Variants in SLC18A1 observed in about 807,000 individuals in gnomAD.
SLC18A1 encodes the protein chromaffin granule amine transporter.
A neutral mutation model predicts 53.7 loss-of-function variants in SLC18A1; 69 were observed. That is an observed-to-expected ratio of 1.28 (90% CI 1.06 to 1.57). The LOEUF (loss-of-function observed/expected upper bound fraction) is 1.57, where lower values mean the gene tolerates loss of function less well. Ranked by LOEUF, SLC18A1 falls within the 40% of genes most tolerant of loss-of-function variation. The probability of loss-of-function intolerance (pLI) is 0.00; values close to 1 mark genes in which losing one functional copy is unlikely to be tolerated. For synonymous variants in SLC18A1, 320 were observed against 248.1 expected, an observed-to-expected ratio of 1.29 and a Z score of -2.72; for missense variants, 932 against 668.1, an observed-to-expected ratio of 1.40 and a Z score of -4.35.
rs1278579810 is a variant in SLC18A1 at position 20,174,450 on chromosome 8, C to T, written c.548-6G>A. 1.2e-6 allele frequency: 2 copies of T among 1,609,774 alleles called. No homozygotes were observed. The highest frequency in any genetic ancestry group is 1.7e-6 in the Non-Finnish European group (2 of 1,176,286). On this transcript the variant is annotated splice_polypyrimidine_tract_variant and splice_region_variant and intron_variant, in intron 4 of 15. Coordinates refer to ENST00000276373, the MANE Select transcript of SLC18A1 (RefSeq NM_003053.4). ...GGTCCCAGAAAAAGCAAACACTGGG[C>T]AGAGAGAATAGCAAGATAACTGCAG...
chr8:20,154,845 G>A (rs1015532780), intron 10 of SLC18A1, among the ~76,000 whole-genome samples: 5 of 152,102 alleles, frequency 3.3e-5, no homozygotes, highest in African/African-American at 1.2e-4. Context: ...CGTCCACCAC[G>A]GCTGAGCGCT....
intron 8 of SLC18A1, among the ~76,000 whole-genome samples, 184 bp from the exon 9 acceptor site, chr8:20,165,291 G>T (rs1408228030): frequency 1.3e-5 from 2 of 152,140 alleles, no homozygotes; most frequent in African/African-American, 4.8e-5. Context: ...GAGGAAGCTG[G>T]AGGCAGGACC....
chr8:20,176,755 T>C (rs1167276327), intron 4 of SLC18A1, among the ~76,000 whole-genome samples: 1 of 152,236 alleles, frequency 6.6e-6, no homozygotes, highest in African/African-American at 2.4e-5. Flanking sequence ...AGCTATCCTA[T>C]GGAAATAATA....
In SLC18A1 at chr8:20,163,692, A is replaced by T. The variant is rs183191651; in HGVS notation, c.1015+1177T>A. Among the ~76,000 whole-genome samples, 498 of 152,294 alleles carry T rather than the reference A, an allele frequency of 3.3e-3. 1 individual carries two copies. The highest frequency in any genetic ancestry group is 6.8e-3 in the Middle Eastern group (2 of 294). ...AAAACTTGTTTTGACTAAATTGCCT[A>T]CTGTCTCCCAGCAATCAGAGTTTTA... is the stretch of plus-strand genomic sequence containing the variant. On this transcript the variant is annotated intron_variant, in intron 10 of 15. Coordinates refer to ENST00000276373, the MANE Select transcript of SLC18A1 (RefSeq NM_003053.4).
chr8:20,151,512 A>C (rs563801407), intron 10 of SLC18A1, among the ~76,000 whole-genome samples: 2 of 152,296 alleles, frequency 1.3e-5, no homozygotes, highest in South Asian at 4.1e-4. Flanking sequence ...ATCTTGGATT[A>C]ATTACTAAAC....
rs1008505271 is a variant in SLC18A1 at position 20,172,967 on chromosome 8, C to T, written c.724+69G>A. On this transcript the variant is annotated intron_variant, in intron 6 of 15. Coordinates refer to ENST00000276373, the MANE Select transcript of SLC18A1 (RefSeq NM_003053.4). Reference sequence around the variant, plus strand: ...AGGGAAGGAAAATACTCGTCTTCTACACCTCGGGAACACCTGCTTCCTAGA... The same window carrying T: ...AGGGAAGGAAAATACTCGTCTTCTATACCTCGGGAACACCTGCTTCCTAGA... 6 of 1,121,254 alleles carry T rather than the reference C, an allele frequency of 5.4e-6. No homozygotes were observed. The Admixed American group carries it at 6.0e-5, about 11-fold the overall frequency. 69.5% of individuals were successfully genotyped at this position (1,121,254 alleles called of 1,614,324 possible). A position where few individuals can be genotyped will look rare whatever the true frequency, so the allele number is the denominator to read the frequency against.
intron 3 of SLC18A1, 66 bp downstream of exon 3, chr8:20,179,055 C>G (rs1302139185): frequency 9.9e-6 from 15 of 1,520,530 alleles, no homozygotes; most frequent in Non-Finnish European, 1.3e-5. Context: ...TTCCAACCCC[C>G]TTTCTATACT....
chr8:20,169,480 G>C (rs1380829733), intron 8 of SLC18A1, among the ~76,000 whole-genome samples: 1 of 152,036 alleles, frequency 6.6e-6, no homozygotes, highest in Non-Finnish European at 1.5e-5. Context: ...CTGTTCTTAG[G>C]GAAAATGCTC....
At chr8:20,163,418 A>G (rs138085056) in intron 10 of SLC18A1, among the ~76,000 whole-genome samples, 4 of 152,306 alleles carry the variant, frequency 2.6e-5, no homozygotes, top group African/African-American at 4.8e-5. Context: ...CGAGGTCACA[A>G]TCAGTAAGTG....
intron 10 of SLC18A1, among the ~76,000 whole-genome samples, chr8:20,154,163 C>T (rs1389397538): frequency 6.6e-6 from 1 of 152,150 alleles, no homozygotes; most frequent in Non-Finnish European, 1.5e-5. Context: ...TTATAAATTA[C>T]CCAGCCTCAG....
intron 4 of SLC18A1, among the ~76,000 whole-genome samples, chr8:20,177,390 T>A (rs1353064432): frequency 2.0e-5 from 3 of 151,744 alleles, no homozygotes; most frequent in Admixed American, 2.0e-4. Flanking sequence ...AACAGAAAGG[T>A]AATAAGAAAA....
intron 5 of SLC18A1, 71 bp downstream of exon 5, chr8:20,174,290 T>C (rs1244606490): frequency 4.7e-6 from 5 of 1,068,096 alleles, no homozygotes; most frequent in East Asian, 2.4e-5. Flanking sequence ...AAATATAGGA[T>C]CTGAGGTAGT....
At chr8:20,156,406 C>T (rs906753588) in intron 10 of SLC18A1, among the ~76,000 whole-genome samples, 4 of 151,966 alleles carry the variant, frequency 2.6e-5, no homozygotes, top group African/African-American at 7.3e-5. Flanking sequence ...ATCTTAATTA[C>T]CATACGAAGG....
intron 10 of SLC18A1, among the ~76,000 whole-genome samples, chr8:20,154,969 AT>A (rs1294187172): frequency 2.0e-5 from 3 of 152,154 alleles, no homozygotes; most frequent in Non-Finnish European, 4.4e-5. Context: ...AAAGCTTGCC[AT>A]TGTTCCTGCA....
At chr8:20,170,104 T>C (rs768600194) in intron 8 of SLC18A1, among the ~76,000 whole-genome samples, 1 of 152,134 alleles carries the variant, frequency 6.6e-6, no homozygotes, top group Non-Finnish European at 1.5e-5. Flanking sequence ...TGAGGAGTCC[T>C]GGATGGGTGG....
At chr8:20,149,590 CTCT>C in intron 12 of SLC18A1, 83 bp downstream of exon 12, 1 of 177,274 alleles carries the variant, frequency 5.6e-6, no homozygotes. Context: ...CTCTCTCTCC[CTCT>C]CTCTCTCTCT....
intron 4 of SLC18A1, among the ~76,000 whole-genome samples, chr8:20,176,270 C>G (rs2072248794): frequency 6.6e-6 from 1 of 152,196 alleles, no homozygotes; most frequent in Non-Finnish European, 1.5e-5. Context: ...TCTCCTCTCT[C>G]TTTCTTCCTC....
chr8:20,170,836 TATAG>T (rs57375699), intron 8 of SLC18A1, among the ~76,000 whole-genome samples: 27 of 151,430 alleles, frequency 1.8e-4, no homozygotes, highest in African/African-American at 4.1e-4. Flanking sequence ...GTGTCGAATA[TATAG>T]ATAGATAGAT....
At chr8:20,182,752 C>T (rs1314879401) in intron 1 of SLC18A1, among the ~76,000 whole-genome samples, 1 of 152,112 alleles carries the variant, frequency 6.6e-6, no homozygotes, top group Non-Finnish European at 1.5e-5. Flanking sequence ...AAGTTTTAAC[C>T]AGTAAATGCA....
Sources: allele counts gnomAD v4.1 joint callset (sites outside exome capture counted in the v4.1 genomes callset), GRCh38; gene constraint gnomAD v4.1.1; transcripts MANE v1.5; gene names NCBI Gene and HGNC (gene_info 2026-07-23, HGNC 2026-07-21).